Variants in AIM2 observed in about 807,000 individuals in gnomAD.
AIM2 encodes interferon-inducible protein AIM2.
A neutral mutation model predicts 27.7 loss-of-function variants in AIM2; 30 were observed. The ratio of observed to expected loss-of-function variants is 1.08; its 90% CI spans 0.81 to 1.47. The LOEUF (loss-of-function observed/expected upper bound fraction) is 1.47. Ranked by LOEUF, AIM2 falls within the 40% of genes most tolerant of loss-of-function variation. The pLI, the probability that AIM2 is intolerant of heterozygous loss-of-function variation, is 0.00. For synonymous variants in AIM2, 141 were observed against 145.3 expected (o/e 0.97, Z 0.21); for missense variants, 358 against 411.3 (o/e 0.87, Z 1.12).
intron 1 of AIM2, among the ~76,000 whole-genome samples, chr1:159,109,235 A>G (rs912444612): frequency 6.6e-6 from 1 of 152,226 alleles, no homozygotes; most frequent in African/African-American, 2.4e-5. Flanking sequence ...AACAGAATAG[A>G]GAACCCAGAA....
At chr1:159,108,087 A>C (rs1043367877) in intron 1 of AIM2, among the ~76,000 whole-genome samples, 11 of 152,218 alleles carry the variant, frequency 7.2e-5, no homozygotes, top group Non-Finnish European at 2.9e-5. Flanking sequence ...AAAACCAGGA[A>C]AGGACATAAC....
chr1:159,079,123 T>A (rs547439097), upstream of AIM2, among the ~76,000 whole-genome samples: 1 of 150,232 alleles, frequency 6.7e-6, no homozygotes, highest in South Asian at 2.1e-4. Flanking sequence ...AAGAAGGAAC[T>A]TAAGGACAAA....
At chr1:159,087,323 T>G (rs1016324465) in intron 1 of AIM2, among the ~76,000 whole-genome samples, 31 of 81,972 alleles carry the variant, frequency 3.8e-4, no homozygotes, top group Non-Finnish European at 1.1e-3. Context: ...GGTGAGGTTG[T>G]GATAAAAAAA....
chr1:159,112,934 C>CATATATATATATATAT lies in AIM2; in HGVS notation c.-16+27481_-16+27496dup, dbSNP rs71659252. On this transcript the variant is annotated intron_variant, in intron 1 of 2. Transcript: ENST00000368129. ...ATGTTTCAAACCTAATATATACATA[C>CATATATATATATATAT]ATATATATATATATATAATTTTTTT... 3.4e-3 allele frequency among the ~76,000 whole-genome samples: 495 copies of CATATATATATATATAT among 146,474 alleles called. 8 individuals carry two copies. Among genetic ancestry groups the CATATATATATATATAT allele is most frequent in the African/African-American group, 0.012 (469 of 39,090 alleles).
At chr1:159,130,800 C>CCACACACA (rs10557540) in intron 1 of AIM2, among the ~76,000 whole-genome samples, 32 of 145,158 alleles carry the variant, frequency 2.2e-4, no homozygotes, top group African/African-American at 4.9e-4. Flanking sequence ...AGCCTGGTCA[C>CCACACACA]CACACACACA....
intron 1 of AIM2, among the ~76,000 whole-genome samples, chr1:159,138,575 G>A (rs1293005202): frequency 6.6e-6 from 1 of 152,150 alleles, no homozygotes; most frequent in Non-Finnish European, 1.5e-5. Context: ...TGAAGAAGGT[G>A]GAATCTACTA....
intron 1 of AIM2, among the ~76,000 whole-genome samples, chr1:159,112,932 T>TAC (rs1469785074): frequency 1.5e-5 from 2 of 134,394 alleles, no homozygotes; most frequent in Non-Finnish European, 3.1e-5. Context: ...AATATATACA[T>TAC]ACATATATAT....
upstream of AIM2, chr1:159,077,004 C>T (rs919915915): frequency 2.0e-5 from 3 of 152,266 alleles, no homozygotes; most frequent in African/African-American, 7.2e-5. Flanking sequence ...TCTTGATACA[C>T]TTTGTGACTA....
chr1:159,098,477 T>C (rs1657226002), intron 1 of AIM2, among the ~76,000 whole-genome samples: 3 of 152,236 alleles, frequency 2.0e-5, no homozygotes, highest in Non-Finnish European at 2.9e-5. Context: ...AAGTGTTTCA[T>C]AGTCATATGT....
intron 1 of AIM2, among the ~76,000 whole-genome samples, chr1:159,126,166 G>C (rs1013201471): frequency 1.3e-5 from 2 of 152,180 alleles, no homozygotes; most frequent in East Asian, 3.8e-4. Context: ...TGTGATGAGA[G>C]CTATTTCCTG....
intron 1 of AIM2, among the ~76,000 whole-genome samples, chr1:159,133,833 C>A (rs1295231133): frequency 1.3e-5 from 2 of 152,158 alleles, no homozygotes; most frequent in Non-Finnish European, 2.9e-5. Flanking sequence ...TTTCTCTTCT[C>A]ACCCTGTACT....
At chr1:159,146,408 C>T (rs1207633894) in intron 1 of AIM2, among the ~76,000 whole-genome samples, 1 of 151,426 alleles carries the variant, frequency 6.6e-6, no homozygotes, top group Non-Finnish European at 1.5e-5. Context: ...ATTCCCAGTC[C>T]TGTCTTCTTA....
chr1:159,061,318 T>C (rs1655825526), downstream of AIM2, among the ~76,000 whole-genome samples: 1 of 152,202 alleles, frequency 6.6e-6, no homozygotes, highest in African/African-American at 2.4e-5. Context: ...GTATCATCTT[T>C]TTGCCCATTT....
intron 1 of AIM2, among the ~76,000 whole-genome samples, chr1:159,099,793 C>A (rs1388896687): frequency 6.6e-6 from 1 of 152,196 alleles, no homozygotes; most frequent in African/African-American, 2.4e-5. Flanking sequence ...AAAACAAGAT[C>A]AGTCTAAGAC....
Position 159,062,663 on chromosome 1 carries a change from G to T in AIM2, c.*29C>A. 2 of 1,608,266 alleles carry T rather than the reference G, an allele frequency of 1.2e-6. No individual in the cohort carries two copies. The highest frequency in any genetic ancestry group is 1.7e-4 in the Middle Eastern group (1 of 6,050). ...CTTCAATTAAATGCTGCTTAGACCAGTTGGCTTGAATTGGTCCTTTTTACT... is the reference window on the plus strand; with the variant it reads ...CTTCAATTAAATGCTGCTTAGACCATTTGGCTTGAATTGGTCCTTTTTACT... On this transcript the variant is annotated 3_prime_UTR_variant, in exon 6 of 6. Transcript: ENST00000368130.
At chr1:159,079,802 G>C (rs1296570298), upstream of AIM2, among the ~76,000 whole-genome samples, 1 of 152,036 alleles carries the variant, frequency 6.6e-6, no homozygotes, top group South Asian at 2.1e-4. Context: ...TATCATACAG[G>C]GTGGTTTCCC....
downstream of AIM2, among the ~76,000 whole-genome samples, chr1:159,057,670 A>C (rs919828102): frequency 6.6e-6 from 1 of 152,242 alleles, no homozygotes; most frequent in African/African-American, 2.4e-5. Flanking sequence ...GTTCATCTAA[A>C]CTGTAGGCAA....
At position 159,066,301 on chromosome 1, in the gene AIM2, T is replaced by C. The variant is rs773060046; in HGVS notation, c.425A>G (p.Gln142Arg). The C allele has an allele frequency of 3.7e-6, 6 of 1,613,438 alleles. No homozygotes were observed. Among genetic ancestry groups the C allele is most frequent in the Non-Finnish European group, 5.1e-6 (6 of 1,179,750 alleles). The change falls in exon 4 of 6, where the codon CAG becomes CGG. Residue 142 changes from glutamine to arginine, a missense_variant. Gln to Arg is a conservative substitution (Grantham distance 43, BLOSUM62 1). Transcript: ENST00000368130. ...CTGAAACCCTTCTCTGATAGATTCC[T>C]GCTGGGCCACCATCTGTTTCTGTTC... is the stretch of plus-strand genomic sequence containing the variant. ...KPEQKQMVAQ[Q>R]ESIREGFQKR...
intron 1 of AIM2, among the ~76,000 whole-genome samples, chr1:159,092,869 C>CA (rs1483974812): frequency 1.3e-5 from 2 of 151,584 alleles, no homozygotes; most frequent in African/African-American, 2.4e-5. Flanking sequence ...ATTAAAAATA[C>CA]AAAAAAATTA....
Sources: allele counts gnomAD v4.1 joint callset (sites outside exome capture counted in the v4.1 genomes callset), GRCh38; gene constraint gnomAD v4.1.1; transcripts MANE v1.5; gene names NCBI Gene and HGNC (gene_info 2026-07-23, HGNC 2026-07-21).